Variants in FAF1 observed in about 807,000 individuals in gnomAD.
FAF1 encodes FAS-associated factor 1.
FAF1 carries 25 observed loss-of-function variants against 92.5 expected under a neutral mutation model. That is an observed-to-expected ratio of 0.27 (90% CI 0.20 to 0.38). FAF1 has a LOEUF of 0.38. Among genes scored for constraint, FAF1 ranks in the 10% least tolerant of loss-of-function variants. FAF1 has a pLI of 1.00. For missense variants in FAF1, 636 were observed against 793.3 expected (o/e 0.80, Z 2.38); for synonymous variants, 234 against 273.2 (o/e 0.86, Z 1.42).
At chr1:50,890,802 C>T (rs1014249103) in intron 1 of FAF1, among the ~76,000 whole-genome samples, 1 of 152,090 alleles carries the variant, frequency 6.6e-6, no homozygotes, top group African/African-American at 2.4e-5. Context: ...ACATTTTTTC[C>T]TTCATTTCAA....
intron 1 of FAF1, among the ~76,000 whole-genome samples, chr1:50,887,554 A>G (rs936677817): frequency 1.3e-5 from 2 of 152,206 alleles, no homozygotes; most frequent in Non-Finnish European, 2.9e-5. Context: ...TAATTTTTGT[A>G]GAAGGTGTAA....
chr1:50,942,135 T>G (rs1258746195), intron 1 of FAF1, among the ~76,000 whole-genome samples: 1 of 152,236 alleles, frequency 6.6e-6, no homozygotes, highest in Admixed American at 6.5e-5. Flanking sequence ...CAATGGCTGT[T>G]ACAAATTAGA....
chr1:50,548,550 A>G (rs917810716), intron 13 of FAF1, among the ~76,000 whole-genome samples: 1 of 152,198 alleles, frequency 6.6e-6, no homozygotes, highest in Non-Finnish European at 1.5e-5. Flanking sequence ...AGTTTAATTC[A>G]AAGACAGTCA....
chr1:50,725,811 T>G (rs1351581048), intron 6 of FAF1, among the ~76,000 whole-genome samples: 1 of 152,116 alleles, frequency 6.6e-6, no homozygotes, highest in African/African-American at 2.4e-5. Context: ...GGAGTCCCAT[T>G]TAGTACCCTG....
At chr1:50,855,333 G>C (rs1024325017) in intron 2 of FAF1, among the ~76,000 whole-genome samples, 2 of 151,642 alleles carry the variant, frequency 1.3e-5, no homozygotes, top group Non-Finnish European at 3.0e-5. Context: ...TTTTTTATTA[G>C]ATTTTTTTTA....
intron 15 of FAF1, among the ~76,000 whole-genome samples, chr1:50,531,043 C>T (rs747401522): frequency 1.1e-4 from 16 of 152,162 alleles, no homozygotes; most frequent in Admixed American, 6.5e-5. Flanking sequence ...AGGTAATAAA[C>T]GTTATCTTCC....
At chr1:50,820,139 G>C (rs143419644) in intron 2 of FAF1, among the ~76,000 whole-genome samples, 2 of 151,970 alleles carry the variant, frequency 1.3e-5, no homozygotes, top group Non-Finnish European at 2.9e-5. Flanking sequence ...GGTGGAGAGG[G>C]TAGGGAAGAG....
At chr1:50,848,723 C>T (rs1644323470) in intron 2 of FAF1, among the ~76,000 whole-genome samples, 1 of 152,160 alleles carries the variant, frequency 6.6e-6, no homozygotes, top group Non-Finnish European at 1.5e-5. Context: ...AACTCACTCT[C>T]TCATGAAAAA....
chr1:50,716,499 T>C (rs1353651993), intron 6 of FAF1, among the ~76,000 whole-genome samples: 1 of 152,202 alleles, frequency 6.6e-6, no homozygotes, highest in Non-Finnish European at 1.5e-5. Context: ...CTTTTCTGTC[T>C]AGCTAGAGGA....
At chr1:50,840,050 GA>G (rs1187079580) in intron 2 of FAF1, among the ~76,000 whole-genome samples, 1 of 151,572 alleles carries the variant, frequency 6.6e-6, no homozygotes, top group Non-Finnish European at 1.5e-5. Context: ...CCATTTGGCA[GA>G]AAAAAATAAA....
chr1:50,506,334 A>G (rs1647057597), intron 15 of FAF1, among the ~76,000 whole-genome samples: 1 of 152,132 alleles, frequency 6.6e-6, no homozygotes, highest in African/African-American at 2.4e-5. Context: ...CCCCTTCCAC[A>G]TACTCTACGC....
At chr1:50,537,738 C>T (rs890821887) in intron 14 of FAF1, among the ~76,000 whole-genome samples, 7 of 149,094 alleles carry the variant, frequency 4.7e-5, no homozygotes, top group South Asian at 4.3e-4. Context: ...AGAAAACAAC[C>T]GTATTCTGTA....
intron 4 of FAF1, among the ~76,000 whole-genome samples, chr1:50,759,740 A>G (rs1346264878): frequency 6.6e-6 from 1 of 152,194 alleles, no homozygotes; most frequent in Non-Finnish European, 1.5e-5. Flanking sequence ...GACTTCCACA[A>G]TGGTTGAACT....
intron 2 of FAF1, among the ~76,000 whole-genome samples, chr1:50,823,855 C>G (rs1254752862): frequency 6.6e-6 from 1 of 152,092 alleles, no homozygotes; most frequent in African/African-American, 2.4e-5. Flanking sequence ...TATAAATAGT[C>G]CCATTAATGA....
chr1:50,777,703 C>T, intron 4 of FAF1, among the ~76,000 whole-genome samples: 1 of 146,126 alleles, frequency 6.8e-6, no homozygotes, highest in East Asian at 2.0e-4. Flanking sequence ...GTTATGAGGG[C>T]TAAATTCAAA....
intron 1 of FAF1, among the ~76,000 whole-genome samples, chr1:50,918,408 G>A (rs1223116748): frequency 2.3e-5 from 2 of 88,808 alleles, no homozygotes; most frequent in Non-Finnish European, 4.4e-5. Flanking sequence ...TGATCTCATT[G>A]TTCAATTCCC....
intron 15 of FAF1, among the ~76,000 whole-genome samples, chr1:50,522,646 G>T (rs777249557): frequency 6.6e-6 from 1 of 152,142 alleles, no homozygotes; most frequent in Non-Finnish European, 1.5e-5. Flanking sequence ...GTAGTACCCC[G>T]TAAGTACTGA....
chr1:50,925,335 G>C (rs941026921), intron 1 of FAF1, among the ~76,000 whole-genome samples: 2 of 152,080 alleles, frequency 1.3e-5, no homozygotes, highest in Non-Finnish European at 2.9e-5. Flanking sequence ...AAACTAAAAG[G>C]CTTCTCCACG....
intron 1 of FAF1, among the ~76,000 whole-genome samples, chr1:50,876,354 A>T (rs1644571454): frequency 6.6e-6 from 1 of 152,178 alleles, no homozygotes; most frequent in Non-Finnish European, 1.5e-5. Flanking sequence ...TGTTCAATAA[A>T]AGGAACCAGT....
Sources: allele counts gnomAD v4.1 joint callset (sites outside exome capture counted in the v4.1 genomes callset), GRCh38; gene constraint gnomAD v4.1.1; transcripts MANE v1.5; gene names NCBI Gene and HGNC (gene_info 2026-07-23, HGNC 2026-07-21).